MYT1L: variants seen among roughly 807,000 people sequenced by gnomAD.
MYT1L encodes the protein myelin transcription factor 1 like.
Under a neutral mutation model 126.7 loss-of-function variants are expected in MYT1L, and 12 were observed. That is an observed-to-expected ratio of 0.09 (90% CI 0.06 to 0.15). The LOEUF is 0.15. Among genes scored for constraint, MYT1L ranks in the 10% least tolerant of loss-of-function variants. The pLI is 1.00. For synonymous variants in MYT1L, 541 were observed against 604.2 expected, an observed-to-expected ratio of 0.90 and a Z score of 1.53; for missense variants, 979 against 1,585.2, an observed-to-expected ratio of 0.62 and a Z score of 6.49.
At position 2,112,016 on chromosome 2, in the gene MYT1L, A is replaced by AT. The variant is rs537972787; in HGVS notation, c.-303-57894dup. On this transcript the variant is annotated intron_variant, in intron 3 of 24. Transcript: ENST00000647738. Reference sequence around the variant, plus strand: ...TGAAGCGTGCAAACTTGGGACCACTATTTTTTTGCCAGCTTCCTGAGGAGC... The same window carrying AT: ...TGAAGCGTGCAAACTTGGGACCACTATTTTTTTTGCCAGCTTCCTGAGGAGC... 4.6e-5 allele frequency among the ~76,000 whole-genome samples: 7 copies of AT among 152,204 alleles called. 1 individual carries two copies. In the South Asian group the frequency reaches 8.3e-4, roughly 18 times the overall value.
intron 19 of MYT1L, among the ~76,000 whole-genome samples, chr2:1,844,118 G>A (rs909887656): frequency 2.6e-5 from 4 of 152,108 alleles, no homozygotes; most frequent in African/African-American, 9.7e-5. Context: ...TCACTTGGTG[G>A]GCAGCTCGGC....
chr2:1,845,616 C>T (rs928737558), intron 19 of MYT1L, among the ~76,000 whole-genome samples: 7 of 152,296 alleles, frequency 4.6e-5, no homozygotes, highest in South Asian at 4.1e-4. Context: ...GCTCTTCTCT[C>T]GGCTGCCACT....
At chr2:2,149,071 G>T (rs2085332383) in intron 3 of MYT1L, among the ~76,000 whole-genome samples, 1 of 151,846 alleles carries the variant, frequency 6.6e-6, no homozygotes, top group Admixed American at 6.6e-5. Flanking sequence ...TTTGCTCTAT[G>T]CAGGTTTATT....
intron 2 of MYT1L, among the ~76,000 whole-genome samples, chr2:2,267,935 T>C (rs902336563): frequency 3.3e-5 from 5 of 152,186 alleles, no homozygotes; most frequent in Admixed American, 2.0e-4. Context: ...CAAGTTCCTT[T>C]AAGGTCACGC....
intron 8 of MYT1L, among the ~76,000 whole-genome samples, chr2:1,961,152 C>T (rs988302758): frequency 6.6e-6 from 1 of 152,200 alleles, no homozygotes; most frequent in Non-Finnish European, 1.5e-5. Flanking sequence ...ATGTGATTCC[C>T]TACCAAATAT....
At chr2:2,169,947 C>A (rs1186788043) in intron 3 of MYT1L, among the ~76,000 whole-genome samples, 1 of 152,208 alleles carries the variant, frequency 6.6e-6, no homozygotes, top group Non-Finnish European at 1.5e-5. Flanking sequence ...CAGGGTGATA[C>A]AGGCATAAAC....
intron 10 of MYT1L, among the ~76,000 whole-genome samples, chr2:1,921,543 G>A (rs1227781328): frequency 6.6e-6 from 1 of 152,148 alleles, no homozygotes; most frequent in Non-Finnish European, 1.5e-5. Flanking sequence ...TATCATATTG[G>A]ATAGTTTTTG....
At chr2:1,840,724 C>T (rs1470530309) in intron 20 of MYT1L, 36 bp downstream of exon 20, 1 of 1,459,624 alleles carries the variant, frequency 6.9e-7, no homozygotes, top group Non-Finnish European at 9.4e-7. Context: ...CACATGGCAG[C>T]CCTGCTATGG....
intron 2 of MYT1L, among the ~76,000 whole-genome samples, chr2:2,205,664 C>T (rs992398983): frequency 1.3e-5 from 2 of 152,202 alleles, no homozygotes; most frequent in African/African-American, 4.8e-5. Context: ...TTTCTGGTGT[C>T]TAGAACTTGC....
chr2:2,299,708 C>G (rs758126280), intron 1 of MYT1L, among the ~76,000 whole-genome samples: 1 of 152,212 alleles, frequency 6.6e-6, no homozygotes, highest in East Asian at 1.9e-4. Context: ...TTCTTCAGCT[C>G]TGCTTAGTGC....
At chr2:1,953,695 T>C (rs1184361335) in intron 8 of MYT1L, among the ~76,000 whole-genome samples, 1 of 152,248 alleles carries the variant, frequency 6.6e-6, no homozygotes, top group African/African-American at 2.4e-5. Flanking sequence ...GGGTGGGTGT[T>C]CAGTACCTCT....
chr2:2,099,439 A>C (rs1252715961), intron 3 of MYT1L, among the ~76,000 whole-genome samples: 1 of 152,116 alleles, frequency 6.6e-6, no homozygotes, highest in Non-Finnish European at 1.5e-5. Context: ...CATGGCAAAC[A>C]GGTCTCCTAA....
At chr2:1,967,743 G>C (rs1034073511) in intron 8 of MYT1L, among the ~76,000 whole-genome samples, 2 of 152,192 alleles carry the variant, frequency 1.3e-5, no homozygotes, top group African/African-American at 4.8e-5. Flanking sequence ...TGTGGCCAAA[G>C]AGGGGGTGTT....
chr2:1,846,570 G>A (rs2042524589), intron 19 of MYT1L, among the ~76,000 whole-genome samples: 1 of 152,180 alleles, frequency 6.6e-6, no homozygotes, highest in African/African-American at 2.4e-5. Flanking sequence ...CAACAGGTGA[G>A]TGCAGGATTA....
intron 2 of MYT1L, among the ~76,000 whole-genome samples, chr2:2,173,958 G>A (rs1437922121): frequency 6.6e-6 from 1 of 152,120 alleles, no homozygotes; most frequent in Non-Finnish European, 1.5e-5. Context: ...CTTGAAATAA[G>A]ATAACACAAG....
At chr2:2,254,314 G>A (rs573084903) in intron 2 of MYT1L, among the ~76,000 whole-genome samples, 2 of 152,274 alleles carry the variant, frequency 1.3e-5, no homozygotes, top group East Asian at 1.9e-4. Context: ...ATTTAGAGTC[G>A]AACTCCATCA....
intron 5 of MYT1L, among the ~76,000 whole-genome samples, chr2:1,984,407 G>A (rs1005907089): frequency 7.9e-5 from 12 of 151,980 alleles, no homozygotes; most frequent in Admixed American, 5.9e-4. Context: ...ATGTTTCCCA[G>A]GCTGGTCTTG....
In MYT1L at chr2:2,087,342, T is replaced by C. The variant is rs904618428; in HGVS notation, c.-303-33219A>G. ...TTTACAAAACTCTTAATGCCATTAA[T>C]GTTCTTCCCTTTTTCTTTGTTTGGG... On this transcript the variant is annotated intron_variant, in intron 3 of 24. Coordinates refer to ENST00000647738, the MANE Select transcript of MYT1L (RefSeq NM_001303052.2). Among the ~76,000 whole-genome samples the C allele has an allele frequency of 3.3e-5, 5 of 152,336 alleles. No individual in the cohort carries two copies. In the East Asian group the frequency reaches 9.6e-4, roughly 29 times the overall value.
chr2:2,039,529 A>T (rs747520982), intron 4 of MYT1L, among the ~76,000 whole-genome samples: 9 of 152,314 alleles, frequency 5.9e-5, no homozygotes, highest in Middle Eastern at 3.4e-3. Context: ...CATTTGCAGG[A>T]ATGTTCAAAG....
Sources: gnomAD v4.1 joint callset for allele counts (sites outside exome capture counted in the v4.1 genomes callset) on GRCh38, gnomAD v4.1.1 for gene constraint, MANE v1.5 for transcripts, NCBI Gene and HGNC (gene_info 2026-07-23, HGNC 2026-07-21) for gene names.